The following MCFD2 variants were observed in gnomAD, a reference collection of about 807,000 sequenced individuals.
MCFD2 encodes the protein multiple coagulation factor deficiency 2, ER cargo receptor complex subunit, also known as multiple coagulation factor deficiency protein 2.
In MCFD2, 11 loss-of-function variants were observed where a neutral mutation model predicts 12.8. The observed-to-expected ratio is 0.86, with a 90% CI of 0.54 to 1.42. The LOEUF is 1.42. Ranked by LOEUF, MCFD2 falls within the 40% of genes most tolerant of loss-of-function variation. The pLI is 0.00. For synonymous variants in MCFD2, 70 were observed against 68.1 expected (o/e 1.03, Z -0.14); for missense variants, 191 against 178.6 (o/e 1.07, Z -0.40).
intron 1 of MCFD2, among the ~76,000 whole-genome samples, chr2:46,926,864 G>A (rs1456354788): frequency 6.6e-6 from 1 of 151,966 alleles, no homozygotes; most frequent in Non-Finnish European, 1.5e-5. Flanking sequence ...TATCTTCAAA[G>A]AAATAAAAGC....
chr2:46,916,493 G>A (rs1668796081), upstream of MCFD2: 1 of 152,410 alleles, frequency 6.6e-6, no homozygotes, highest in Non-Finnish European at 1.5e-5. Context: ...AACAAATAGG[G>A]AAACGAATAC....
At chr2:46,927,261 C>T (rs1472038688) in intron 1 of MCFD2, among the ~76,000 whole-genome samples, 1 of 146,110 alleles carries the variant, frequency 6.8e-6, no homozygotes, top group Non-Finnish European at 1.5e-5. Context: ...AAATCCCAAG[C>T]AAAGTTAATG....
intron 1 of MCFD2, 150 bp downstream of exon 1, chr2:46,915,573 G>C (rs1025900443): frequency 2.3e-5 from 4 of 171,784 alleles, no homozygotes; most frequent in Non-Finnish European, 4.6e-5. Context: ...GACAGGCCGT[G>C]CTCCTAGCCG....
rs548150630 is a variant in MCFD2 at position 46,901,899 on chromosome 2, A to T, written c.*3564T>A. ...TTTTGCTTCATCAGTTTTATTGGTC[A>T]TATATCCAGAATTCATCATATATAA... On this transcript the variant is annotated 3_prime_UTR_variant, in exon 4 of 4. Coordinates refer to ENST00000319466, the MANE Select transcript of MCFD2 (RefSeq NM_139279.6). This position sits in a 1 kb window ranked among gnomAD's most constrained non-coding sequence, Gnocchi z 4.3. The T allele has an allele frequency of 6.5e-6, 1 of 152,818 alleles. No individual in the cohort carries two copies. The highest frequency in any genetic ancestry group is 2.1e-4 in the South Asian group (1 of 4,832). The allele number at this position is 152,818 out of a possible 1,614,324, so 9.5% of individuals were successfully genotyped here. A position where few individuals can be genotyped will look rare whatever the true frequency, so the allele number is the denominator to read the frequency against.
Position 46,940,733 on chromosome 2 carries a change from G to GCGGGCCTGGGAA in MCFD2, c.-8+827_-8+838dup, listed in dbSNP as rs1303664737. Among the ~76,000 whole-genome samples, 2 of 152,170 alleles carry GCGGGCCTGGGAA rather than the reference G, an allele frequency of 1.3e-5. No individual in the cohort carries two copies. Among genetic ancestry groups the GCGGGCCTGGGAA allele is most frequent in the Non-Finnish European group, 2.9e-5 (2 of 68,028 alleles). The stretch of plus-strand genomic sequence containing the variant: ...CCAGCAGAGGGGCGTCCAGAGAGTC[G>GCGGGCCTGGGAA]CGGGCCTGGGAACGGGCCTGGGTCC... On this transcript the variant is annotated intron_variant, in intron 1 of 2. Coordinates refer to the MCFD2 transcript ENST00000409147. This position sits in a 1 kb window ranked among gnomAD's most constrained non-coding sequence, Gnocchi z 4.7.
In MCFD2 at chr2:46,924,638, T is replaced by C. The variant is rs932000636; in HGVS notation, c.-7-16669A>G. 4.8e-4 allele frequency among the ~76,000 whole-genome samples: 73 copies of C among 152,064 alleles called. 1 individual carries two copies. The highest frequency in any genetic ancestry group is 8.2e-4 in the Non-Finnish European group (56 of 68,004). Reference sequence around the variant, plus strand: ...CATTGGATATTTTCTTTTTTTTTTTTCCCCTGGAGATAGGGTCTTGCTCTG... The same window carrying C: ...CATTGGATATTTTCTTTTTTTTTTTCCCCCTGGAGATAGGGTCTTGCTCTG... On this transcript the variant is annotated intron_variant, in intron 1 of 2. Transcript: ENST00000409147.
chr2:46,916,217 A>G, upstream of MCFD2: 3 of 952,484 alleles, frequency 3.1e-6, no homozygotes, highest in Non-Finnish European at 3.8e-6. Context: ...TTGGGAAGAA[A>G]GATAATAGGA....
upstream of MCFD2, among the ~76,000 whole-genome samples, chr2:46,918,447 G>A (rs1018164037): frequency 6.6e-5 from 10 of 152,128 alleles, no homozygotes; most frequent in Non-Finnish European, 1.5e-5. Flanking sequence ...TTCCATTCTT[G>A]CCCTACTGTA....
rs139598813 is a variant in MCFD2 at position 46,908,173 on chromosome 2, G to C, written c.150-204C>G. On this transcript the variant is annotated intron_variant, in intron 2 of 3. Transcript: ENST00000319466. The surrounding 1 kb of genome is among the most constrained non-coding windows in gnomAD (Gnocchi z 4.5). The stretch of plus-strand genomic sequence containing the variant: ...AAAAGTCAAATAGACCATCTGTTAT[G>C]CTGGCAGGATTAGGGTATTCTTTCC... 58 of 631,394 alleles carry C rather than the reference G, an allele frequency of 9.2e-5. No individual in the cohort carries two copies. In the African/African-American group the frequency reaches 1.0e-3, roughly 11 times the overall value. The allele number at this position is 631,394 out of a possible 1,614,324, so 39.1% of individuals were successfully genotyped here.
intron 1 of MCFD2, among the ~76,000 whole-genome samples, chr2:46,939,736 G>C (rs1368766743): frequency 6.6e-6 from 1 of 152,176 alleles, no homozygotes; most frequent in Non-Finnish European, 1.5e-5. Context: ...GTGTGTTCTC[G>C]GGTCACCCTA....
At position 46,904,345 on chromosome 2, in the gene MCFD2, C is replaced by G. The variant is rs1452302300; in HGVS notation, c.*1118G>C. On this transcript the variant is annotated 3_prime_UTR_variant, in exon 4 of 4. Transcript: ENST00000319466. ...GCTGTGAGAAGAGGGCCACCGTCCTCCAGACCCCAGAATGGTAGATCCACC... is the reference window on the plus strand; with the variant it reads ...GCTGTGAGAAGAGGGCCACCGTCCTGCAGACCCCAGAATGGTAGATCCACC... The G allele has an allele frequency of 6.7e-6, 1 of 150,044 alleles. No individual in the cohort carries two copies. The highest frequency in any genetic ancestry group is 6.6e-5 in the Admixed American group (1 of 15,076). 9.3% of individuals were successfully genotyped at this position (150,044 alleles called of 1,614,324 possible). A position where few individuals can be genotyped will look rare whatever the true frequency, so the allele number is the denominator to read the frequency against.
At chr2:46,923,938 G>A (rs1669246250) in intron 1 of MCFD2, among the ~76,000 whole-genome samples, 1 of 152,066 alleles carries the variant, frequency 6.6e-6, no homozygotes, top group African/African-American at 2.4e-5. Context: ...GTTTCACCAT[G>A]TTGGCCAGGC....
Position 46,909,073 on chromosome 2 carries a change from G to A in MCFD2, c.99C>T (p.Phe33=), listed in dbSNP as rs1186206789. ...GARAEEPAAS[F]SQPGSMGLDK... is the part of the protein sequence containing the mutation. ...CCAGGCCCATGCTGCCGGGTTGGGA[G>A]AAGCTGGCTGCAGGCTCCTCAGCCC... Residue 33 remains phenylalanine (F), a synonymous_variant, in exon 2 of 4, where the codon TTC becomes TTT. Transcript: ENST00000319466. The A allele has an allele frequency of 2.5e-6, 4 of 1,614,126 alleles. No homozygotes were observed. In the African/African-American group the frequency reaches 5.3e-5, roughly 22 times the overall value.
At chr2:46,916,531 TA>T (rs1322376515), upstream of MCFD2, 1 of 152,802 alleles carries the variant, frequency 6.5e-6, no homozygotes, top group Non-Finnish European at 1.5e-5. Flanking sequence ...TTCATCCCTG[TA>T]TAATCCTGCC....
chr2:46,916,221 A>G, upstream of MCFD2: 1 of 943,632 alleles, frequency 1.1e-6, no homozygotes. Context: ...GAAGAAAGAT[A>G]ATAGGAATGC....
chr2:46,921,815 G>A (rs1420259699), intron 1 of MCFD2, among the ~76,000 whole-genome samples: 7 of 152,114 alleles, frequency 4.6e-5, no homozygotes, highest in South Asian at 2.1e-4. Context: ...CCTTACATGC[G>A]CAGTTCACAG....
At chr2:46,906,092 T>C (rs1380706653) in intron 3 of MCFD2, 4 of 448,730 alleles carry the variant, frequency 8.9e-6, no homozygotes, top group Non-Finnish European at 1.8e-5. Flanking sequence ...GAGAAAGTAT[T>C]TCCCATGCTC....
At chr2:46,936,775 CA>C (rs1670000221) in intron 1 of MCFD2, among the ~76,000 whole-genome samples, 1 of 152,022 alleles carries the variant, frequency 6.6e-6, no homozygotes, top group Admixed American at 6.6e-5. Flanking sequence ...CTTTAGAATG[CA>C]AAGTGAACAC....
At chr2:46,927,280 C>T (rs955618180) in intron 1 of MCFD2, among the ~76,000 whole-genome samples, 3 of 150,690 alleles carry the variant, frequency 2.0e-5, no homozygotes, top group Non-Finnish European at 4.4e-5. Flanking sequence ...TGAAAAGAAA[C>T]CTAAGCTAAG....
Sources: gnomAD v4.1 joint callset for allele counts (sites outside exome capture counted in the v4.1 genomes callset) on GRCh38, gnomAD v4.1.1 for gene constraint, Gnocchi (gnomAD v3.1) non-coding constraint, MANE v1.5 for transcripts, NCBI Gene and HGNC (gene_info 2026-07-23, HGNC 2026-07-21) for gene names.